The following KLLN variants were observed in gnomAD, a reference collection of about 807,000 sequenced individuals.
KLLN encodes the protein killin.
For missense variants in KLLN, 340 were observed against 241.3 expected, an observed-to-expected ratio of 1.41 and a Z score of -2.71; for synonymous variants, 142 against 102.2, an observed-to-expected ratio of 1.39 and a Z score of -2.35.
Position 87,862,501 on chromosome 10 carries a change from C to T in KLLN, c.-14G>A. On this transcript the variant is annotated 5_prime_UTR_variant, in exon 1 of 1. Transcript: ENST00000445946. ...CGGGCGATCCATCCTGCCGGGTTTTCACGGCGGCCAAGGGGGGGCGGGGCT... is the reference window on the plus strand; with the variant it reads ...CGGGCGATCCATCCTGCCGGGTTTTTACGGCGGCCAAGGGGGGGCGGGGCT... The T allele has an allele frequency of 2.0e-6, 3 of 1,535,100 alleles. No individual in the cohort carries two copies. Among genetic ancestry groups the T allele is most frequent in the Non-Finnish European group, 2.6e-6 (3 of 1,136,680 alleles).
At position 87,862,249 on chromosome 10, in the gene KLLN, C is replaced by G. The variant is rs1564798968; in HGVS notation, c.239G>C (p.Ser80Thr). ...VGELSKFPLPSDSSGGKSSSS... is the reference protein window; with the variant it reads ...VGELSKFPLPTDSSGGKSSSS... ...AGACGACTTGCCTCCGGAGCTATCACTGGGGAGTGGGAATTTGGAAAGTTC... is the reference window on the plus strand; with the variant it reads ...AGACGACTTGCCTCCGGAGCTATCAGTGGGGAGTGGGAATTTGGAAAGTTC... The change falls in exon 1 of 1, where the codon AGT becomes ACT. Residue 80 changes from serine (S) to threonine (T), a missense_variant. By Grantham distance (58) the Ser-to-Thr change is moderately conservative (BLOSUM62 1). Coordinates refer to ENST00000445946, the MANE Select transcript of KLLN (RefSeq NM_001126049.2). 6.4e-7 allele frequency: 1 copy of G among 1,551,642 alleles called. No homozygotes were observed. Among genetic ancestry groups the G allele is most frequent in the Non-Finnish European group, 8.7e-7 (1 of 1,147,008 alleles).
rs1344767584 is a variant in KLLN, at chr10:87,862,779, T to C, written c.-292A>G. 2.2e-6 allele frequency: 1 copy of C among 457,870 alleles called. No homozygotes were observed. Among genetic ancestry groups the C allele is most frequent in the Non-Finnish European group, 4.1e-6 (1 of 244,998 alleles). The allele number at this position is 457,870 out of a possible 1,614,324, so 28.4% of individuals were successfully genotyped here. On this transcript the variant is annotated 5_prime_UTR_variant, in exon 1 of 1. Transcript: ENST00000445946. ...CATTTTTAGGGCAAACGAGCCGAGT[T>C]ACCGGGGAAGCGAGAGGTGGGGCGC...
Position 87,859,268 on chromosome 10 carries a change from C to T in KLLN, c.*2683G>A, listed in dbSNP as rs903848459. 5.3e-5 allele frequency: 8 copies of T among 152,146 alleles called. No individual in the cohort carries two copies. Among genetic ancestry groups the T allele is most frequent in the Admixed American group, 5.2e-4 (8 of 15,288 alleles). The allele number at this position is 152,146 out of a possible 1,614,324, so 9.4% of individuals were successfully genotyped here. A position where few individuals can be genotyped will look rare whatever the true frequency, so the allele number is the denominator to read the frequency against. ...ACCCTTGGAACAATGGGTTTACATTCAATCCAATGATTATTATGTTTTTAT... is the reference window on the plus strand; with the variant it reads ...ACCCTTGGAACAATGGGTTTACATTTAATCCAATGATTATTATGTTTTTAT... On this transcript the variant is annotated 3_prime_UTR_variant, in exon 1 of 1. Coordinates refer to ENST00000445946, the MANE Select transcript of KLLN (RefSeq NM_001126049.2).
In KLLN at chr10:87,862,130, G is replaced by A. The variant is rs1398508098; in HGVS notation, c.358C>T (p.Pro120Ser). ...CGCCAGCCCCGACAGCGCTCCTTCGGGAGGCTGGTCCGAGCCCCTGTTTCC... is the reference window on the plus strand; with the variant it reads ...CGCCAGCCCCGACAGCGCTCCTTCGAGAGGCTGGTCCGAGCCCCTGTTTCC... ...AAETGARTSL[P>S]KERCRGWRLG... Residue 120 changes from proline to serine, a missense_variant, in exon 1 of 1, where the codon CCG (proline) becomes TCG (serine). Coordinates refer to ENST00000445946, the MANE Select transcript of KLLN (RefSeq NM_001126049.2). 2.6e-6 allele frequency: 4 copies of A among 1,548,588 alleles called. No individual in the cohort carries two copies. The highest frequency in any genetic ancestry group is 1.7e-4 in the Middle Eastern group (1 of 5,994).
Position 87,861,682 on chromosome 10 carries a change from A to G in KLLN, c.*269T>C, listed in dbSNP as rs1858258018. On this transcript the variant is annotated 3_prime_UTR_variant, in exon 1 of 1. Coordinates refer to ENST00000445946, the MANE Select transcript of KLLN (RefSeq NM_001126049.2). ...GCTGACGGCCATTGACTAGGTTCTC[A>G]GACCAGATAAGTCACTTGGCTGAGT... 2 of 396,566 alleles carry G rather than the reference A, an allele frequency of 5.0e-6. No homozygotes were observed. Among genetic ancestry groups the G allele is most frequent in the Non-Finnish European group, 9.0e-6 (2 of 221,612 alleles). 24.6% of individuals were successfully genotyped at this position (396,566 alleles called of 1,614,324 possible). A position where few individuals can be genotyped will look rare whatever the true frequency, so the allele number is the denominator to read the frequency against.
rs1407503099 is a variant in KLLN at position 87,862,196 on chromosome 10, A to T, written c.292T>A (p.Trp98Arg). 7.7e-6 allele frequency: 12 copies of T among 1,551,644 alleles called. No homozygotes were observed. The highest frequency in any genetic ancestry group is 1.0e-5 in the Non-Finnish European group (12 of 1,146,984). The change falls in exon 1 of 1, where the codon TGG becomes AGG. Residue 98 changes from tryptophan (W) to arginine (R), a missense_variant. Transcript: ENST00000445946. Reference protein sequence around the residue: ...SSSFARGALAWCRQRNPNPSC... With the variant: ...SSSFARGALARCRQRNPNPSC... ...GGGTTGGGGTTCCGCTGCCTGCACC[A>T]GGCAAGAGCACCCCGAGCAAAGGAA...
rs1013705888 is a variant in KLLN, at chr10:87,860,025, A to G, written c.*1926T>C. 3 of 149,900 alleles carry G rather than the reference A, an allele frequency of 2.0e-5. No individual in the cohort carries two copies. Among genetic ancestry groups the G allele is most frequent in the African/African-American group, 7.5e-5 (3 of 40,218 alleles). 9.3% of individuals were successfully genotyped at this position (149,900 alleles called of 1,614,324 possible). A position where few individuals can be genotyped will look rare whatever the true frequency, so the allele number is the denominator to read the frequency against. On this transcript the variant is annotated 3_prime_UTR_variant, in exon 1 of 1. Coordinates refer to ENST00000445946, the MANE Select transcript of KLLN (RefSeq NM_001126049.2). The stretch of plus-strand genomic sequence containing the variant: ...TGTGAGACTCCGTCTCAAAAAAAAA[A>G]AAAAAAAAAGAAAAAAAAAAAAAGA...
At position 87,862,518 on chromosome 10, in the gene KLLN, G is replaced by A. The variant is rs1237675690; in HGVS notation, c.-31C>T. 2 of 1,523,570 alleles carry A rather than the reference G, an allele frequency of 1.3e-6. No individual in the cohort carries two copies. The highest frequency in any genetic ancestry group is 1.8e-6 in the Non-Finnish European group (2 of 1,130,402). 94.4% of individuals were successfully genotyped at this position (1,523,570 alleles called of 1,614,324 possible). A position where few individuals can be genotyped will look rare whatever the true frequency, so the allele number is the denominator to read the frequency against. ...CGGGTTTTCACGGCGGCCAAGGGGGGGCGGGGCTAGGTGGTCTCTGAGAAC... is the reference window on the plus strand; with the variant it reads ...CGGGTTTTCACGGCGGCCAAGGGGGAGCGGGGCTAGGTGGTCTCTGAGAAC... On this transcript the variant is annotated 5_prime_UTR_variant, in exon 1 of 1. Transcript: ENST00000445946.
rs1285459607 is a variant in KLLN, at chr10:87,861,587, G to A, written c.*364C>T. On this transcript the variant is annotated 3_prime_UTR_variant, in exon 1 of 1. Coordinates refer to ENST00000445946, the MANE Select transcript of KLLN (RefSeq NM_001126049.2). Reference sequence around the variant, plus strand: ...GTGCGATCCAACTCTCAGCATTTCCGAATCAGCTCTCTCACGGTGACAGGT... The same window carrying A: ...GTGCGATCCAACTCTCAGCATTTCCAAATCAGCTCTCTCACGGTGACAGGT... 4.8e-6 allele frequency: 1 copy of A among 206,884 alleles called. No individual in the cohort carries two copies. Among genetic ancestry groups the A allele is most frequent in the Non-Finnish European group, 9.6e-6 (1 of 104,256 alleles). 12.8% of individuals were successfully genotyped at this position (206,884 alleles called of 1,614,324 possible).
At position 87,860,420 on chromosome 10, in the gene KLLN, G is replaced by A. The variant is rs544909412; in HGVS notation, c.*1531C>T. ...CATTTCCCATTTTCTTTCTTCAGCC[G>A]GATGGAAGTACTTGGAGGCTGGTCT... On this transcript the variant is annotated 3_prime_UTR_variant, in exon 1 of 1. Transcript: ENST00000445946. 8.5e-5 allele frequency: 13 copies of A among 152,356 alleles called. No individual in the cohort carries two copies. Among genetic ancestry groups the A allele is most frequent in the African/African-American group, 2.6e-4 (11 of 41,586 alleles). 9.4% of individuals were successfully genotyped at this position (152,356 alleles called of 1,614,324 possible).
chr10:87,862,616 G>C lies in KLLN; in HGVS notation c.-129C>G, dbSNP rs1048707068. ...GATGCTCGACTCTCTTGGGGGCACC[G>C]GAGCGGGCGCAGGAGAGGCCTGCGG... On this transcript the variant is annotated 5_prime_UTR_variant, in exon 1 of 1. Transcript: ENST00000445946. The C allele has an allele frequency of 3.4e-6, 3 of 876,818 alleles. No homozygotes were observed. Among genetic ancestry groups the C allele is most frequent in the Non-Finnish European group, 5.2e-6 (3 of 575,424 alleles). 54.3% of individuals were successfully genotyped at this position (876,818 alleles called of 1,614,324 possible). A position where few individuals can be genotyped will look rare whatever the true frequency, so the allele number is the denominator to read the frequency against.
At position 87,862,760 on chromosome 10, in the gene KLLN, T is replaced by G; in HGVS notation, c.-273A>C. 2.0e-6 allele frequency: 1 copy of G among 490,936 alleles called. No individual in the cohort carries two copies. The highest frequency in any genetic ancestry group is 3.8e-6 in the Non-Finnish European group (1 of 265,102). The allele number at this position is 490,936 out of a possible 1,614,324, so 30.4% of individuals were successfully genotyped here. Reference sequence around the variant, plus strand: ...ACGCTCGGCTGAGAGCTTTCATTTTTAGGGCAAACGAGCCGAGTTACCGGG... The same window carrying G: ...ACGCTCGGCTGAGAGCTTTCATTTTGAGGGCAAACGAGCCGAGTTACCGGG... On this transcript the variant is annotated 5_prime_UTR_variant, in exon 1 of 1. Transcript: ENST00000445946.
Position 87,862,275 on chromosome 10 carries a change from C to G in KLLN, c.213G>C (p.Gly71=). 6.4e-7 allele frequency: 1 copy of G among 1,551,744 alleles called. No individual in the cohort carries two copies. The part of the protein sequence containing the change: ...FRRRSRVSLV[G]ELSKFPLPSD... The stretch of plus-strand genomic sequence containing the variant: ...TGGGGAGTGGGAATTTGGAAAGTTC[C>G]CCAACTAGGGACACACGTGACCTCC... Residue 71 remains glycine, a synonymous_variant, in exon 1 of 1, where the codon GGG becomes GGC. Transcript: ENST00000445946.
Position 87,862,786 on chromosome 10 carries a change from G to T in KLLN, c.-299C>A. ...AGGGCAAACGAGCCGAGTTACCGGG[G>T]AAGCGAGAGGTGGGGCGCTGCAAGG... On this transcript the variant is annotated 5_prime_UTR_variant, in exon 1 of 1. Transcript: ENST00000445946. 2.1e-6 allele frequency: 1 copy of T among 465,754 alleles called. No individual in the cohort carries two copies. The highest frequency in any genetic ancestry group is 3.5e-5 in the South Asian group (1 of 28,702). 28.9% of individuals were successfully genotyped at this position (465,754 alleles called of 1,614,324 possible). A position where few individuals can be genotyped will look rare whatever the true frequency, so the allele number is the denominator to read the frequency against.
chr10:87,861,918 G>T lies in KLLN; in HGVS notation c.*33C>A. Reference sequence around the variant, plus strand: ...CCCACGTTTGGGAAGGCGCAGAATAGGTCGATGTAGAGCAAGGAGTGAGTC... The same window carrying T: ...CCCACGTTTGGGAAGGCGCAGAATATGTCGATGTAGAGCAAGGAGTGAGTC... On this transcript the variant is annotated 3_prime_UTR_variant, in exon 1 of 1. Transcript: ENST00000445946. 1.4e-6 allele frequency: 2 copies of T among 1,450,364 alleles called. No homozygotes were observed. The highest frequency in any genetic ancestry group is 1.4e-5 in the African/African-American group (1 of 69,816). The allele number at this position is 1,450,364 out of a possible 1,614,324, so 89.8% of individuals were successfully genotyped here.
At position 87,861,827 on chromosome 10, in the gene KLLN, G is replaced by GT; in HGVS notation, c.*123dup. 1 of 888,876 alleles carries GT rather than the reference G, an allele frequency of 1.1e-6. No homozygotes were observed. The highest frequency in any genetic ancestry group is 3.1e-5 in the Admixed American group (1 of 32,164). 55.1% of individuals were successfully genotyped at this position (888,876 alleles called of 1,614,324 possible). ...TACCCTCAAGCACAGAACCAAAAGGGTTCACCCTAAGCGGCAGGGCATCAG... is the reference window on the plus strand; with the variant it reads ...TACCCTCAAGCACAGAACCAAAAGGGTTTCACCCTAAGCGGCAGGGCATCAG... On this transcript the variant is annotated 3_prime_UTR_variant, in exon 1 of 1. Coordinates refer to ENST00000445946, the MANE Select transcript of KLLN (RefSeq NM_001126049.2).
chr10:87,860,432 T>C lies in KLLN; in HGVS notation c.*1519A>G, dbSNP rs893623945. The C allele has an allele frequency of 6.6e-6, 1 of 152,292 alleles. No homozygotes were observed. Among genetic ancestry groups the C allele is most frequent in the African/African-American group, 2.4e-5 (1 of 41,462 alleles). The allele number at this position is 152,292 out of a possible 1,614,324, so 9.4% of individuals were successfully genotyped here. On this transcript the variant is annotated 3_prime_UTR_variant, in exon 1 of 1. Transcript: ENST00000445946. ...TCTTTCTTCAGCCGGATGGAAGTAC[T>C]TGGAGGCTGGTCTCATATTCTAGCA...
chr10:87,860,016 AAAAAAAAAAAAAAAAAAAG>A lies in KLLN; in HGVS notation c.*1916_*1934del, dbSNP rs1160801409. 3 of 118,706 alleles carry A rather than the reference AAAAAAAAAAAAAAAAAAAG, an allele frequency of 2.5e-5. No homozygotes were observed. The highest frequency in any genetic ancestry group is 1.0e-4 in the African/African-American group (3 of 29,016). The allele number at this position is 118,706 out of a possible 1,614,324, so 7.4% of individuals were successfully genotyped here. A position where few individuals can be genotyped will look rare whatever the true frequency, so the allele number is the denominator to read the frequency against. On this transcript the variant is annotated 3_prime_UTR_variant, in exon 1 of 1. Coordinates refer to ENST00000445946, the MANE Select transcript of KLLN (RefSeq NM_001126049.2). Reference sequence around the variant, plus strand: ...ACTCCAGCCTGTGAGACTCCGTCTCAAAAAAAAAAAAAAAAAAAGAAAAAAAAAAAAAGAACTGAAGTGC... The same window carrying A: ...ACTCCAGCCTGTGAGACTCCGTCTCAAAAAAAAAAAAAAGAACTGAAGTGC...
Position 87,863,513 on chromosome 10 carries a change from G to C in KLLN, c.-1026C>G, listed in dbSNP as rs786205433. 1 of 385,096 alleles carries C rather than the reference G, an allele frequency of 2.6e-6. No homozygotes were observed. The highest frequency in any genetic ancestry group is 1.4e-4 in the South Asian group (1 of 7,196). The allele number at this position is 385,096 out of a possible 1,614,324, so 23.9% of individuals were successfully genotyped here. A position where few individuals can be genotyped will look rare whatever the true frequency, so the allele number is the denominator to read the frequency against. On this transcript the variant is annotated 5_prime_UTR_variant, in exon 1 of 1. Transcript: ENST00000445946. ...CCCCTCGGTCTTCCGAGGCGCCCGGGCTCCCGGCGCGGCGGCGGAGGGGGC... is the reference window on the plus strand; with the variant it reads ...CCCCTCGGTCTTCCGAGGCGCCCGGCCTCCCGGCGCGGCGGCGGAGGGGGC...
Sources: gnomAD v4.1 joint callset for allele counts on GRCh38, gnomAD v4.1.1 for gene constraint, MANE v1.5 for transcripts, NCBI Gene and HGNC (gene_info 2026-07-23, HGNC 2026-07-21) for gene names.